The following SDR39U1 variants were observed in gnomAD, a reference collection of about 807,000 sequenced individuals.
SDR39U1 encodes the protein short chain dehydrogenase/reductase family 39U member 1.
A neutral mutation model predicts 31.7 loss-of-function variants in SDR39U1; 29 were observed. The ratio of observed to expected loss-of-function variants is 0.92; its 90% CI spans 0.68 to 1.25. The LOEUF is 1.25. Among genes scored for constraint, SDR39U1 ranks in the 50% most tolerant of loss-of-function variants. The probability of loss-of-function intolerance (pLI) is 0.00; values close to 1 mark genes in which losing one functional copy is unlikely to be tolerated. For missense variants in SDR39U1, 403 were observed against 378.4 expected, an observed-to-expected ratio of 1.06 and a Z score of -0.54; for synonymous variants, 147 against 159.0, an observed-to-expected ratio of 0.92 and a Z score of 0.57.
Position 24,440,918 on chromosome 14 carries a change from G to T in SDR39U1, c.337C>A (p.Gln113Lys), listed in dbSNP as rs566725525. 3.1e-6 allele frequency: 5 copies of T among 1,614,014 alleles called. No homozygotes were observed. Among genetic ancestry groups the T allele is most frequent in the East Asian group, 2.2e-5 (1 of 44,892 alleles). The change falls in exon 5 of 6, where the codon CAG becomes AAG. Residue 113 changes from glutamine to lysine, a missense_variant. Physicochemically the swap from Gln to Lys is moderately conservative, Grantham distance 53 (BLOSUM62 1). Coordinates refer to ENST00000399395, the MANE Select transcript of SDR39U1 (RefSeq NM_020195.3). ...WVLVTGVAYY[Q>K]PSLTAEYDED... is the part of the protein sequence containing the mutation. The stretch of plus-strand genomic sequence containing the variant: ...TCATACTCCGCAGTCAGACTGGGCT[G>T]GTAGTAAGCTGCCGGTGGAACACAA...
chr14:24,440,950 GC>G lies in SDR39U1; in HGVS notation c.329-25del, dbSNP rs1594763796. On this transcript the variant is annotated intron_variant, in intron 4 of 5. Transcript: ENST00000399395. ...AGCTGCCGGTGGAACACAATCATTT[GC>G]CCTGGGTGTCCTTGGTCCTGCCTGG... 1.9e-6 allele frequency: 3 copies of G among 1,613,868 alleles called. No individual in the cohort carries two copies. The East Asian group carries it at 6.7e-5, about 36-fold the overall frequency.
In SDR39U1 at chr14:24,439,919, C is replaced by T. The variant is rs1291028606; in HGVS notation, c.*164G>A. 2.3e-5 allele frequency: 14 copies of T among 606,022 alleles called. No homozygotes were observed. Among genetic ancestry groups the T allele is most frequent in the East Asian group, 5.6e-5 (2 of 35,570 alleles). The allele number at this position is 606,022 out of a possible 1,614,324, so 37.5% of individuals were successfully genotyped here. A position where few individuals can be genotyped will look rare whatever the true frequency, so the allele number is the denominator to read the frequency against. ...TTAATGTCCCAACCTGATGAGATTA[C>T]GGCCTTGAGACAATAAGGTGGAGCA... On this transcript the variant is annotated 3_prime_UTR_variant, in exon 6 of 6. Transcript: ENST00000399395.
chr14:24,440,796 C>T lies in SDR39U1; in HGVS notation c.459G>A (p.Val153=), dbSNP rs756881804. 3.7e-6 allele frequency: 6 copies of T among 1,613,938 alleles called. No individual in the cohort carries two copies. Among genetic ancestry groups the T allele is most frequent in the Admixed American group, 3.3e-5 (2 of 60,024 alleles). Residue 153 remains valine, a synonymous_variant, in exon 5 of 6, where the codon GTG becomes GTA. Coordinates refer to ENST00000399395, the MANE Select transcript of SDR39U1 (RefSeq NM_020195.3). The part of the protein sequence containing the change: ...ARLPGDSTRQ[V]VVRSGVVLGR... ...CCCGTTTCTCACCTGAGCGCACCAC[C>T]ACCTGGCGTGTAGAATCTCCAGGAA...
At chr14:24,442,824 C>A (rs985376777), upstream of SDR39U1, 10 of 1,598,714 alleles carry the variant, frequency 6.3e-6, no homozygotes, top group African/African-American at 1.2e-4. Flanking sequence ...TCACCTCAGA[C>A]GCGACTACGA....
chr14:24,441,669 C>T lies in SDR39U1; in HGVS notation c.328+5G>A, dbSNP rs945573521. 1.9e-6 allele frequency: 3 copies of T among 1,575,168 alleles called. No individual in the cohort carries two copies. The highest frequency in any genetic ancestry group is 4.5e-5 in the East Asian group (2 of 44,738). Reference sequence around the variant, plus strand: ...TATAAGGGGCTGGTGATTTGGGGGGCGTACCTACACCTGTGACTAAGACCC... The same window carrying T: ...TATAAGGGGCTGGTGATTTGGGGGGTGTACCTACACCTGTGACTAAGACCC... On this transcript the variant is annotated splice_donor_5th_base_variant and intron_variant, in intron 4 of 5. Coordinates refer to ENST00000399395, the MANE Select transcript of SDR39U1 (RefSeq NM_020195.3).
chr14:24,442,776 T>TAG (rs1566509000), upstream of SDR39U1: 2 of 1,613,982 alleles, frequency 1.2e-6, no homozygotes, highest in Non-Finnish European at 1.7e-6. Flanking sequence ...GCATAGCGAC[T>TAG]AGGACCTAAC....
Position 24,440,261 on chromosome 14 carries a change from G to A in SDR39U1, c.704C>T (p.Ala235Val). ...NAEFAQTLGA[A>V]LGRRAFIPLP... ...AGGGATGAAGGCTCGGCGGCCCAGGGCAGCACCCAAGGTCTGGGCAAACTC... is the reference window on the plus strand; with the variant it reads ...AGGGATGAAGGCTCGGCGGCCCAGGACAGCACCCAAGGTCTGGGCAAACTC... The change falls in exon 6 of 6, where the codon GCC (alanine) becomes GTC (valine). Residue 235 changes from alanine to valine, a missense_variant. Transcript: ENST00000399395. 6.2e-7 allele frequency: 1 copy of A among 1,613,986 alleles called. No individual in the cohort carries two copies.
intron 5 of SDR39U1, 29 bp from the exon 6 acceptor site, chr14:24,440,521 G>A (rs909868325): frequency 1.3e-6 from 2 of 1,580,308 alleles, no homozygotes; most frequent in Middle Eastern, 1.7e-4. Flanking sequence ...AAGGTACAGG[G>A]GTCCTCTCAG....
chr14:24,440,719 C>G (rs931302415), intron 5 of SDR39U1, 64 bp downstream of exon 5: 1 of 1,572,278 alleles, frequency 6.4e-7, no homozygotes, highest in African/African-American at 1.4e-5. Flanking sequence ...TCTCCTAATC[C>G]CATCACTTCC....
In SDR39U1 at chr14:24,440,025, A is replaced by G. The variant is rs946152006; in HGVS notation, c.*58T>C. The G allele has an allele frequency of 2.8e-6, 4 of 1,448,872 alleles. No homozygotes were observed. Among genetic ancestry groups the G allele is most frequent in the Non-Finnish European group, 3.7e-6 (4 of 1,073,720 alleles). The allele number at this position is 1,448,872 out of a possible 1,614,324, so 89.8% of individuals were successfully genotyped here. A position where few individuals can be genotyped will look rare whatever the true frequency, so the allele number is the denominator to read the frequency against. ...CTCTCTAGAGGAGCTGAGCCTATTC[A>G]CAGTGCCTAACCTGGAAGCCTGTGA... On this transcript the variant is annotated 3_prime_UTR_variant, in exon 6 of 6. Coordinates refer to ENST00000399395, the MANE Select transcript of SDR39U1 (RefSeq NM_020195.3).
At chr14:24,441,639 G>T (rs772799409) in intron 4 of SDR39U1, 35 bp downstream of exon 4, 1 of 1,544,980 alleles carries the variant, frequency 6.5e-7, no homozygotes, top group Admixed American at 2.2e-5. Flanking sequence ...CGTTCCCCTG[G>T]CGAATATAAG....
At chr14:24,440,956 G>T in intron 4 of SDR39U1, 30 bp from the exon 5 acceptor site, 1 of 1,613,602 alleles carries the variant, frequency 6.2e-7, no homozygotes. Flanking sequence ...ATTTGCCCTG[G>T]GTGTCCTTGG....
chr14:24,442,684 G>A (rs2043388525), intron 1 of SDR39U1, 70 bp downstream of exon 1: 3 of 1,591,380 alleles, frequency 1.9e-6, no homozygotes, highest in Non-Finnish European at 2.6e-6. Flanking sequence ...GTGCCCTCCC[G>A]GAAGCGGATT....
intron 3 of SDR39U1, 121 bp from the exon 4 acceptor site, chr14:24,441,916 A>T: frequency 7.1e-7 from 1 of 1,403,886 alleles, no homozygotes; most frequent in Non-Finnish European, 9.8e-7. Context: ...ATTTCGGCTT[A>T]AGAGAAACAG....
chr14:24,439,854 G>A lies in SDR39U1; in HGVS notation c.*229C>T. ...AAGTGGGGCAGCTGCAGGACATGTA[G>A]AGAAACCAAACTGGGAAATCTTACA... is the stretch of plus-strand genomic sequence containing the variant. On this transcript the variant is annotated 3_prime_UTR_variant, in exon 6 of 6. Transcript: ENST00000399395. The A allele has an allele frequency of 2.0e-6, 1 of 496,268 alleles. No individual in the cohort carries two copies. The highest frequency in any genetic ancestry group is 3.6e-6 in the Non-Finnish European group (1 of 280,594). 30.7% of individuals were successfully genotyped at this position (496,268 alleles called of 1,614,324 possible). A position where few individuals can be genotyped will look rare whatever the true frequency, so the allele number is the denominator to read the frequency against.
In SDR39U1 at chr14:24,442,329, C is replaced by G. The variant is rs1323446739; in HGVS notation, c.123+17G>C. On this transcript the variant is annotated intron_variant, in intron 2 of 5. Coordinates refer to ENST00000399395, the MANE Select transcript of SDR39U1 (RefSeq NM_020195.3). ...CCCAACTCTGCCCTCCCACCCGCTTCCAGAGGATGGACTTACCCACGTGAT... is the reference window on the plus strand; with the variant it reads ...CCCAACTCTGCCCTCCCACCCGCTTGCAGAGGATGGACTTACCCACGTGAT... 3 of 1,607,742 alleles carry G rather than the reference C, an allele frequency of 1.9e-6. No homozygotes were observed. Among genetic ancestry groups the G allele is most frequent in the East Asian group, 2.2e-5 (1 of 44,600 alleles).
At chr14:24,442,792 T>A (rs369062916), upstream of SDR39U1, 1 of 1,613,924 alleles carries the variant, frequency 6.2e-7, no homozygotes, top group Non-Finnish European at 8.5e-7. Flanking sequence ...CTAACGCGCC[T>A]GCGTAAAGTT....
chr14:24,441,378 G>C (rs1017107653), intron 4 of SDR39U1: 13 of 464,786 alleles, frequency 2.8e-5, no homozygotes, highest in South Asian at 5.7e-5. Context: ...GCAATTACTT[G>C]GTCCCAAAGG....
chr14:24,441,891 C>T, intron 3 of SDR39U1, 96 bp from the exon 4 acceptor site: 1 of 1,487,062 alleles, frequency 6.7e-7, no homozygotes, highest in Non-Finnish European at 9.1e-7. Context: ...ATACCAATTT[C>T]TTGTAAAGCC....
Sources: allele counts gnomAD v4.1 joint callset, GRCh38; gene constraint gnomAD v4.1.1; transcripts MANE v1.5; gene names NCBI Gene and HGNC (gene_info 2026-07-23, HGNC 2026-07-21).